Variants in TTC29 observed in about 807,000 individuals in gnomAD.
TTC29 encodes tetratricopeptide repeat protein 29.
Under a neutral mutation model 58.1 loss-of-function variants are expected in TTC29, and 49 were observed. That is an observed-to-expected ratio of 0.84 (90% CI 0.67 to 1.07). The LOEUF is 1.07. Ranked by LOEUF, TTC29 falls within the 50% of genes least tolerant of loss-of-function variation. TTC29 has a pLI of 0.00. For synonymous variants in TTC29, 209 were observed against 196.8 expected (o/e 1.06, Z -0.52); for missense variants, 582 against 555.6 (o/e 1.05, Z -0.48).
intron 11 of TTC29, among the ~76,000 whole-genome samples, chr4:146,790,520 C>CT (rs1749366456): frequency 1.3e-5 from 2 of 151,864 alleles, no homozygotes; most frequent in Non-Finnish European, 2.9e-5. Context: ...TTCATACCTG[C>CT]TTTATTTTTT....
chr4:146,867,566 C>A lies in TTC29; in HGVS notation c.817G>T (p.Glu273Ter). 6.5e-7 allele frequency: 1 copy of A among 1,530,944 alleles called. No individual in the cohort carries two copies. Among genetic ancestry groups the A allele is most frequent in the Non-Finnish European group, 8.8e-7 (1 of 1,135,468 alleles). The allele number at this position is 1,530,944 out of a possible 1,614,324, so 94.8% of individuals were successfully genotyped here. A position where few individuals can be genotyped will look rare whatever the true frequency, so the allele number is the denominator to read the frequency against. ...IAKEGSDKKMEAEASYYLGLA... is the reference protein window; with the variant it reads ...IAKEGSDKKM ...CCCAAGTAGTAAGAGGCTTCCGCTT[C>A]CATCTTTTTGTCACTTCCTGAAGTG... Residue 273 changes from glutamate to a stop codon, truncating the protein, a stop_gained, in exon 8 of 13, where the codon GAA becomes TAA. Transcript: ENST00000325106. LOFTEE classifies it high-confidence loss of function.
At chr4:146,774,911 C>T (rs1164679932) in intron 11 of TTC29, among the ~76,000 whole-genome samples, 2 of 152,090 alleles carry the variant, frequency 1.3e-5, no homozygotes, top group Non-Finnish European at 2.9e-5. Flanking sequence ...TAAGAACTTG[C>T]TTTATAAATC....
chr4:146,862,103 A>G lies in TTC29; in HGVS notation c.885+5395T>C, dbSNP rs1165350765. On this transcript the variant is annotated intron_variant, in intron 8 of 12. Transcript: ENST00000325106. ...TAAAACAGGTGAAGACAATGTTGGT[A>G]ACACTATGCAAGGTGGGAAAGTAGA... 2.0e-5 allele frequency among the ~76,000 whole-genome samples: 3 copies of G among 152,160 alleles called. No individual in the cohort carries two copies. The East Asian group carries it at 5.8e-4, about 29-fold the overall frequency.
rs372497024 is a variant in TTC29 at position 146,809,204 on chromosome 4, G to A, written c.1102-5519C>T. ...GCCATATGCAAAAAACTGAAACTGG[G>A]TCCCTTCCTTACACCTTATACAAAA... On this transcript the variant is annotated intron_variant, in intron 10 of 12. Transcript: ENST00000325106. 8.7e-5 allele frequency among the ~76,000 whole-genome samples: 13 copies of A among 149,566 alleles called. No individual in the cohort carries two copies. The South Asian group carries it at 1.3e-3, about 15-fold the overall frequency.
chr4:146,869,369 C>T (rs1359422114), intron 7 of TTC29, among the ~76,000 whole-genome samples: 1 of 152,128 alleles, frequency 6.6e-6, no homozygotes, highest in African/African-American at 2.4e-5. Context: ...TCTTCTCTAG[C>T]TATTTCCCTG....
At chr4:146,882,294 A>G (rs1731680589) in intron 6 of TTC29, among the ~76,000 whole-genome samples, 1 of 152,138 alleles carries the variant, frequency 6.6e-6, no homozygotes, top group South Asian at 2.1e-4. Context: ...TGTAATTTCT[A>G]AAGATAAGCA....
chr4:146,728,848 TATATATATACAC>T (rs1338708209), intron 11 of TTC29, among the ~76,000 whole-genome samples: 1,514 of 67,182 alleles, frequency 0.023, 201 homozygotes, highest in African/African-American at 0.028. Context: ...CATATATATG[TATATATATACAC>T]ATATATATGT....
intron 8 of TTC29, among the ~76,000 whole-genome samples, chr4:146,849,337 T>C (rs751576466): frequency 8.5e-5 from 13 of 152,176 alleles, no homozygotes; most frequent in Non-Finnish European, 1.5e-4. Context: ...TGAACTGGGT[T>C]CATTGGACTT....
intron 11 of TTC29, among the ~76,000 whole-genome samples, chr4:146,744,257 C>A (rs749102046): frequency 6.6e-6 from 1 of 151,860 alleles, no homozygotes; most frequent in Non-Finnish European, 1.5e-5. Context: ...AGATGCCAGG[C>A]ACAGTGGCTC....
intron 11 of TTC29, among the ~76,000 whole-genome samples, chr4:146,790,277 C>T (rs1749342137): frequency 6.6e-6 from 1 of 151,922 alleles, no homozygotes; most frequent in African/African-American, 2.4e-5. Flanking sequence ...CAAGCTCTGC[C>T]TCCCAGGTTC....
Position 146,874,795 on chromosome 4 carries a change from G to A in TTC29, c.720C>T (p.Leu240=), listed in dbSNP as rs1432337837. 3 of 1,612,216 alleles carry A rather than the reference G, an allele frequency of 1.9e-6. No homozygotes were observed. The highest frequency in any genetic ancestry group is 1.7e-5 in the Admixed American group (1 of 59,816). ...CESLLRTYRL[L]SDKMLENKEY... ...CTTTATTTTCTAGCATTTTGTCTGAGAGTAATCTGTAAGTCCTCAGGAGAC... is the reference window on the plus strand; with the variant it reads ...CTTTATTTTCTAGCATTTTGTCTGAAAGTAATCTGTAAGTCCTCAGGAGAC... The change falls in exon 7 of 13, where the codon CTC becomes CTT. Residue 240 remains leucine (L), a synonymous_variant. Transcript: ENST00000325106.
At chr4:146,844,328 C>A (rs1012430546) in intron 8 of TTC29, among the ~76,000 whole-genome samples, 5 of 152,088 alleles carry the variant, frequency 3.3e-5, no homozygotes, top group Non-Finnish European at 7.4e-5. Context: ...GAACATACAG[C>A]TCAAAACTGC....
chr4:146,749,591 G>C (rs1745820028), intron 11 of TTC29, among the ~76,000 whole-genome samples: 1 of 152,100 alleles, frequency 6.6e-6, no homozygotes, highest in Non-Finnish European at 1.5e-5. Context: ...CCAGAGAAGA[G>C]GAGACAGAGA....
rs35281359 is a variant in TTC29 at position 146,760,754 on chromosome 4, GTA to G, written c.1330+42701_1330+42702del. ...GCTACATATATATACATATATATGTGTATATATATATATATGATGGAATACTA... is the reference window on the plus strand; with the variant it reads ...GCTACATATATATACATATATATGTGTATATATATATATGATGGAATACTA... On this transcript the variant is annotated intron_variant, in intron 11 of 12. Transcript: ENST00000325106. Among the ~76,000 whole-genome samples, 15 of 117,200 alleles carry G rather than the reference GTA, an allele frequency of 1.3e-4. No individual in the cohort carries two copies. In the South Asian group the frequency reaches 1.4e-3, roughly 11 times the overall value. The allele number at this position is 117,200 out of a possible 152,430, so 76.9% of individuals were successfully genotyped here.
chr4:146,803,474 T>G lies in TTC29; in HGVS notation c.1313A>C (p.Glu438Ala). The change falls in exon 11 of 13, where the codon GAA becomes GCA. Residue 438 changes from glutamate to alanine, a missense_variant. Coordinates refer to ENST00000325106, the MANE Select transcript of TTC29 (RefSeq NM_031956.4). ...TGCCTTACCAGTAACTGGATCAGGT[T>G]CAATGTTACCTCTGCTCTCCTTCCA... ...LSWKESRGNI[E>A]PDPVTEEFRG... is the part of the protein sequence containing the mutation. 1 of 1,585,948 alleles carries G rather than the reference T, an allele frequency of 6.3e-7. No individual in the cohort carries two copies. The highest frequency in any genetic ancestry group is 1.1e-5 in the South Asian group (1 of 87,224).
chr4:146,868,837 C>T (rs80245462), intron 7 of TTC29, among the ~76,000 whole-genome samples: 2,620 of 151,950 alleles, frequency 0.017, 87 homozygotes, highest in African/African-American at 0.059. Flanking sequence ...GGAGGTGGTG[C>T]CTGTGGAAGG....
At chr4:146,782,278 G>A (rs1270230859) in intron 11 of TTC29, among the ~76,000 whole-genome samples, 2 of 151,552 alleles carry the variant, frequency 1.3e-5, no homozygotes, top group Non-Finnish European at 3.0e-5. Flanking sequence ...TGTGCAGAAA[G>A]TAGCTACTTT....
At chr4:146,774,892 G>A (rs932262744) in intron 11 of TTC29, among the ~76,000 whole-genome samples, 2 of 152,106 alleles carry the variant, frequency 1.3e-5, no homozygotes, top group Non-Finnish European at 2.9e-5. Context: ...AGGTCTCTTT[G>A]TAGTTCTTTA....
At chr4:146,809,306 C>G (rs545876602) in intron 10 of TTC29, among the ~76,000 whole-genome samples, 6 of 150,030 alleles carry the variant, frequency 4.0e-5, no homozygotes, top group Non-Finnish European at 8.9e-5. Flanking sequence ...CTAGGCAATA[C>G]CATTCAGGAC....
Sources: gnomAD v4.1 joint callset for allele counts (sites outside exome capture counted in the v4.1 genomes callset) on GRCh38, gnomAD v4.1.1 for gene constraint, MANE v1.5 for transcripts, NCBI Gene and HGNC (gene_info 2026-07-23, HGNC 2026-07-21) for gene names.